Variants in LAMA2 observed in about 807,000 individuals in gnomAD.
LAMA2 encodes the protein laminin subunit alpha-2.
Under a neutral mutation model 364.8 loss-of-function variants are expected in LAMA2, and 269 were observed. The ratio of observed to expected loss-of-function variants is 0.74; its 90% CI spans 0.67 to 0.82. The LOEUF (loss-of-function observed/expected upper bound fraction) is 0.82, where lower values mean the gene tolerates loss of function less well. LAMA2 is among the 40% of genes least tolerant of loss of function. The pLI is 0.00. For missense variants in LAMA2, 3,807 were observed against 3,873.2 expected (o/e 0.98, Z 0.45); for synonymous variants, 1,379 against 1,370.6 (o/e 1.01, Z -0.14).
In LAMA2 at chr6:129,206,126, A is replaced by G. The variant is rs371090397; in HGVS notation, c.1782+13273A>G. Among the ~76,000 whole-genome samples the G allele has an allele frequency of 2.9e-3, 355 of 121,034 alleles. 7 individuals are homozygous for G. The highest frequency in any genetic ancestry group is 0.017 in the East Asian group (62 of 3,598). The allele number at this position is 121,034 out of a possible 152,430, so 79.4% of individuals were successfully genotyped here. ...GGAGGGAGGAAGGAAGGAAGGAAGG[A>G]AGGAAGGAAGGAAGGAAGGAAGGAA... On this transcript the variant is annotated intron_variant, in intron 12 of 64. Coordinates refer to ENST00000421865, the MANE Select transcript of LAMA2 (RefSeq NM_000426.4).
intron 1 of LAMA2, among the ~76,000 whole-genome samples, chr6:129,044,285 T>C (rs906729447): frequency 6.6e-6 from 1 of 152,076 alleles, no homozygotes; most frequent in Non-Finnish European, 1.5e-5. Flanking sequence ...TTCACAATTA[T>C]TAAAAATAGA....
At chr6:129,345,656 A>G (rs1025796200) in intron 30 of LAMA2, among the ~76,000 whole-genome samples, 2 of 152,184 alleles carry the variant, frequency 1.3e-5, no homozygotes, top group Admixed American at 1.3e-4. Flanking sequence ...ACTTTTTTAT[A>G]TCATAAGCCA....
chr6:129,255,772 A>G (rs966076568), intron 14 of LAMA2, among the ~76,000 whole-genome samples: 3 of 152,154 alleles, frequency 2.0e-5, no homozygotes, highest in Non-Finnish European at 2.9e-5. Flanking sequence ...AATCATAGAA[A>G]TAGTATTGAT....
Position 129,440,987 on chromosome 6 carries a change from C to T in LAMA2, c.6257C>T (p.Pro2086Leu), listed in dbSNP as rs1782085614. ...AAAACGAATGCTGTGGTTAAAGATC[C>T]TTCCAAGAACAGTAAGATCTCCTTT... ...VAKTNAVVKD[P>L]SKNKIIADAD... is the part of the protein sequence containing the mutation. The change falls in exon 43 of 65, where the codon CCT becomes CTT. Residue 2086 changes from proline (P) to leucine (L), a missense_variant. By Grantham distance (98) the Pro-to-Leu change is moderately conservative. Coordinates refer to ENST00000421865, the MANE Select transcript of LAMA2 (RefSeq NM_000426.4). 2 of 1,612,802 alleles carry T rather than the reference C, an allele frequency of 1.2e-6. No individual in the cohort carries two copies. The highest frequency in any genetic ancestry group is 8.5e-7 in the Non-Finnish European group (1 of 1,178,872).
chr6:129,271,131 G>T (rs1787903343), intron 17 of LAMA2, among the ~76,000 whole-genome samples: 1 of 151,990 alleles, frequency 6.6e-6, no homozygotes, highest in Non-Finnish European at 1.5e-5. Flanking sequence ...GCTAATTTGG[G>T]TTCTACCCAT....
chr6:129,338,519 C>A (rs922334357), intron 29 of LAMA2, among the ~76,000 whole-genome samples: 1 of 152,072 alleles, frequency 6.6e-6, no homozygotes, highest in Non-Finnish European at 1.5e-5. Context: ...AGGATTATGG[C>A]ACTTAAATCA....
chr6:129,282,747 A>G (rs911984345), intron 18 of LAMA2, among the ~76,000 whole-genome samples: 4 of 152,064 alleles, frequency 2.6e-5, no homozygotes, highest in Non-Finnish European at 5.9e-5. Flanking sequence ...CTTTCATTCC[A>G]TGCTAAGACC....
chr6:129,111,095 T>C (rs973818308), intron 4 of LAMA2, among the ~76,000 whole-genome samples: 1 of 152,018 alleles, frequency 6.6e-6, no homozygotes, highest in Non-Finnish European at 1.5e-5. Context: ...TGGTTATGAT[T>C]ACACTTTATA....
chr6:129,073,632 C>T (rs1009695862), intron 3 of LAMA2, among the ~76,000 whole-genome samples: 2 of 152,032 alleles, frequency 1.3e-5, no homozygotes, highest in African/African-American at 4.8e-5. Flanking sequence ...TAAATAATCC[C>T]TTTTTTCTGC....
chr6:129,389,149 G>A (rs1393866278), intron 35 of LAMA2, among the ~76,000 whole-genome samples: 1 of 152,116 alleles, frequency 6.6e-6, no homozygotes, highest in South Asian at 2.1e-4. Context: ...GGTCAAGAAA[G>A]AGCCACCCTC....
At chr6:129,006,403 C>G (rs1200359393) in intron 1 of LAMA2, among the ~76,000 whole-genome samples, 1 of 152,144 alleles carries the variant, frequency 6.6e-6, no homozygotes, top group Non-Finnish European at 1.5e-5. Context: ...TTACCCGATT[C>G]AAACATTCTT....
chr6:129,291,734 G>T lies in LAMA2; in HGVS notation c.2856+14G>T. 1.3e-6 allele frequency: 2 copies of T among 1,553,404 alleles called. No individual in the cohort carries two copies. The highest frequency in any genetic ancestry group is 1.8e-6 in the Non-Finnish European group (2 of 1,124,782). ...GACAAATGCAAGGTAAGGAGTAGAG[G>T]CTGACCCATAAATTACTTTCTCCTT... On this transcript the variant is annotated intron_variant, in intron 20 of 64. Coordinates refer to ENST00000421865, the MANE Select transcript of LAMA2 (RefSeq NM_000426.4).
chr6:128,981,271 C>T (rs924763581), intron 1 of LAMA2, among the ~76,000 whole-genome samples: 5 of 152,268 alleles, frequency 3.3e-5, no homozygotes, highest in African/African-American at 1.2e-4. Flanking sequence ...AATGATCTCT[C>T]TATAACCTAG....
At chr6:129,362,898 G>T (rs1303674612) in intron 32 of LAMA2, among the ~76,000 whole-genome samples, 1 of 152,204 alleles carries the variant, frequency 6.6e-6, no homozygotes, top group Non-Finnish European at 1.5e-5. Flanking sequence ...ATTCTAGGTA[G>T]AGAAGACAGC....
At chr6:129,436,290 C>G (rs1207310036) in intron 41 of LAMA2, among the ~76,000 whole-genome samples, 1 of 152,098 alleles carries the variant, frequency 6.6e-6, no homozygotes, top group Admixed American at 6.6e-5. Flanking sequence ...CTACCCAGCT[C>G]CCACCAGCCC....
At chr6:128,885,995 T>C (rs187729586) in intron 1 of LAMA2, among the ~76,000 whole-genome samples, 54 of 152,312 alleles carry the variant, frequency 3.5e-4, no homozygotes, top group African/African-American at 1.1e-3. Flanking sequence ...AACTGAAGCA[T>C]AATGGCAGGT....
intron 1 of LAMA2, among the ~76,000 whole-genome samples, chr6:128,989,854 C>A (rs949693483): frequency 6.6e-6 from 1 of 152,120 alleles, no homozygotes; most frequent in African/African-American, 2.4e-5. Flanking sequence ...ATTCAGTGTC[C>A]AGTGAGTACC....
intron 19 of LAMA2, among the ~76,000 whole-genome samples, chr6:129,290,406 C>T (rs1789609227): frequency 6.6e-6 from 1 of 152,106 alleles, no homozygotes; most frequent in Admixed American, 6.5e-5. Context: ...TCTAGTATCC[C>T]CTTGGCAGAC....
chr6:129,489,523 G>C (rs1784757174), intron 56 of LAMA2, among the ~76,000 whole-genome samples: 1 of 152,122 alleles, frequency 6.6e-6, no homozygotes, highest in Non-Finnish European at 1.5e-5. Flanking sequence ...AACCCTAAGA[G>C]CCTGAAGTAG....
Sources: gnomAD v4.1 joint callset for allele counts (sites outside exome capture counted in the v4.1 genomes callset) on GRCh38, gnomAD v4.1.1 for gene constraint, MANE v1.5 for transcripts, NCBI Gene and HGNC (gene_info 2026-07-23, HGNC 2026-07-21) for gene names.